CNTRL: variants seen among roughly 807,000 people sequenced by gnomAD.
CNTRL encodes the protein 110 kDa centrosomal protein.
In CNTRL, 233 loss-of-function variants were observed where a neutral mutation model predicts 303.7. The observed-to-expected ratio is 0.77, with a 90% CI of 0.69 to 0.86. The LOEUF (loss-of-function observed/expected upper bound fraction) is 0.86. CNTRL is among the 40% of genes least tolerant of loss of function. The pLI is 0.00. For missense variants in CNTRL, 2,524 were observed against 2,650.6 expected, an observed-to-expected ratio of 0.95 and a Z score of 1.05; for synonymous variants, 900 against 922.2, an observed-to-expected ratio of 0.98 and a Z score of 0.44.
chr9:121,144,391 G>A (rs1254234188), intron 20 of CNTRL, among the ~76,000 whole-genome samples: 2 of 152,170 alleles, frequency 1.3e-5, no homozygotes, highest in Non-Finnish European at 2.9e-5. Context: ...AAGGGTTCCT[G>A]AAGGATTGTT....
intron 22 of CNTRL, among the ~76,000 whole-genome samples, chr9:121,145,695 G>A (rs1459654765): frequency 2.0e-5 from 3 of 152,242 alleles, no homozygotes; most frequent in South Asian, 2.1e-4. Context: ...AGGAGTTCGA[G>A]ACCAGCCTGG....
At chr9:121,146,986 T>C (rs764986652) in intron 23 of CNTRL, among the ~76,000 whole-genome samples, 5 of 152,060 alleles carry the variant, frequency 3.3e-5, no homozygotes, top group Non-Finnish European at 7.4e-5. Flanking sequence ...GAAAAGTAGA[T>C]TGGGGTCATG....
In CNTRL at chr9:121,173,668, G is replaced by C; in HGVS notation, c.6685-7G>C. 1 of 1,614,108 alleles carries C rather than the reference G, an allele frequency of 6.2e-7. No individual in the cohort carries two copies. The highest frequency in any genetic ancestry group is 8.5e-7 in the Non-Finnish European group (1 of 1,179,974). Reference sequence around the variant, plus strand: ...TTCATGATATCTCTATTTTCCCTCTGAGAAAGGATGAACACTGGCGTGGAG... The same window carrying C: ...TTCATGATATCTCTATTTTCCCTCTCAGAAAGGATGAACACTGGCGTGGAG... On this transcript the variant is annotated splice_region_variant and splice_polypyrimidine_tract_variant and intron_variant, in intron 41 of 43. Coordinates refer to ENST00000373855, the MANE Select transcript of CNTRL (RefSeq NM_007018.6).
chr9:121,118,387 T>C lies in CNTRL; in HGVS notation c.1497T>C (p.Ser499=). 6.2e-7 allele frequency: 1 copy of C among 1,610,442 alleles called. No individual in the cohort carries two copies. Among genetic ancestry groups the C allele is most frequent in the Non-Finnish European group, 8.5e-7 (1 of 1,177,996 alleles). ...AGKDLLYKQL[S]GRLQLVNKLR... ...AAGACCTTCTTTACAAGCAGTTGAGTGGTAGACTACAACTTGTAAATAAAT... is the reference window on the plus strand; with the variant it reads ...AAGACCTTCTTTACAAGCAGTTGAGCGGTAGACTACAACTTGTAAATAAAT... The change falls in exon 12 of 44, where the codon AGT becomes AGC. Residue 499 remains serine, a synonymous_variant. Transcript: ENST00000373855.
chr9:121,129,921 T>C (rs988908504), intron 14 of CNTRL, among the ~76,000 whole-genome samples: 1 of 152,254 alleles, frequency 6.6e-6, no homozygotes, highest in Non-Finnish European at 1.5e-5. Context: ...GTTCTGTTTA[T>C]GTGATGGATT....
chr9:121,159,903 G>A lies in CNTRL; in HGVS notation c.4930-240G>A, dbSNP rs939182349. Among the ~76,000 whole-genome samples, 7 of 152,066 alleles carry A rather than the reference G, an allele frequency of 4.6e-5. No homozygotes were observed. In the South Asian group the frequency reaches 8.3e-4, roughly 18 times the overall value. Reference sequence around the variant, plus strand: ...CAGTCAGGCTTTTCTCTCTATAGACGTTGCCTTGCTTACAGTAATGTTGCA... The same window carrying A: ...CAGTCAGGCTTTTCTCTCTATAGACATTGCCTTGCTTACAGTAATGTTGCA... On this transcript the variant is annotated intron_variant, in intron 31 of 43. Coordinates refer to ENST00000373855, the MANE Select transcript of CNTRL (RefSeq NM_007018.6).
chr9:121,087,021 G>A (rs974007777), intron 2 of CNTRL, among the ~76,000 whole-genome samples: 4 of 152,208 alleles, frequency 2.6e-5, no homozygotes, highest in Non-Finnish European at 4.4e-5. Flanking sequence ...AATAAGGCAA[G>A]AGAGCTTGTA....
chr9:121,095,001 A>C lies in CNTRL; in HGVS notation c.462A>C (p.Leu154Phe), dbSNP rs1180153424. ...DKLLKLRELN[L>F]SYNKISKIEG... is the part of the protein sequence containing the mutation. ...TGTTAAAATTACGTGAACTCAACTTATCATATAACAAAATCAGGTGAGTTA... is the reference window on the plus strand; with the variant it reads ...TGTTAAAATTACGTGAACTCAACTTCTCATATAACAAAATCAGGTGAGTTA... The change falls in exon 5 of 44, where the codon TTA becomes TTC. Residue 154 changes from leucine (L) to phenylalanine (F), a missense_variant. Transcript: ENST00000373855. 2 of 1,603,748 alleles carry C rather than the reference A, an allele frequency of 1.2e-6. No individual in the cohort carries two copies. The highest frequency in any genetic ancestry group is 1.3e-5 in the African/African-American group (1 of 74,324).
At chr9:121,172,278 C>T (rs1306187135) in intron 40 of CNTRL, among the ~76,000 whole-genome samples, 1 of 152,196 alleles carries the variant, frequency 6.6e-6, no homozygotes, top group Non-Finnish European at 1.5e-5. Context: ...TTTCATATTT[C>T]ACTAAGCTCT....
At chr9:121,170,508 T>A (rs2053261448) in intron 39 of CNTRL, among the ~76,000 whole-genome samples, 1 of 151,754 alleles carries the variant, frequency 6.6e-6, no homozygotes, top group Non-Finnish European at 1.5e-5. Flanking sequence ...CAGTCTGGAG[T>A]GCAGTGGCAT....
rs2050481940 is a variant in CNTRL at position 121,125,718 on chromosome 9, C to G, written c.1807C>G (p.Gln603Glu). The G allele has an allele frequency of 2.5e-6, 4 of 1,613,616 alleles. No homozygotes were observed. In the East Asian group the frequency reaches 8.9e-5, roughly 36 times the overall value. ...KDLEEQLTEGQIAANEALKKD... is the reference protein window; with the variant it reads ...KDLEEQLTEGEIAANEALKKD... Reference sequence around the variant, plus strand: ...TACCCTTTTTGCATCTTGCTTAGGCCAGATAGCAGCAAATGAAGCCCTGAA... The same window carrying G: ...TACCCTTTTTGCATCTTGCTTAGGCGAGATAGCAGCAAATGAAGCCCTGAA... Residue 603 changes from glutamine (Q) to glutamate (E), a missense_variant and splice_region_variant, in exon 14 of 44, where the codon CAG becomes GAG. Gln to Glu is a conservative substitution (Grantham distance 29, BLOSUM62 2). Transcript: ENST00000373855.
At chr9:121,086,634 T>A (rs1199056340) in intron 2 of CNTRL, among the ~76,000 whole-genome samples, 2 of 109,770 alleles carry the variant, frequency 1.8e-5, no homozygotes, top group African/African-American at 9.2e-5. Flanking sequence ...CTGGATTTAC[T>A]TTTTTTTTTT....
chr9:121,092,954 G>A (rs2048729351), intron 4 of CNTRL, among the ~76,000 whole-genome samples: 3 of 148,828 alleles, frequency 2.0e-5, no homozygotes, highest in African/African-American at 5.0e-5. Context: ...TTACAGGCAC[G>A]TGCTACGACG....
intron 23 of CNTRL, 149 bp from the exon 24 acceptor site, chr9:121,148,521 ACC>A: frequency 1.5e-6 from 1 of 653,578 alleles, no homozygotes; most frequent in East Asian, 2.8e-5. Context: ...CCATGTAATC[ACC>A]TCACTTCTGT....
chr9:121,098,564 TCA>T lies in CNTRL; in HGVS notation c.801_802del (p.Phe267LeufsTer20). On this transcript the variant is annotated frameshift_variant, in exon 7 of 44. Coordinates refer to ENST00000373855, the MANE Select transcript of CNTRL (RefSeq NM_007018.6). LOFTEE classifies it high-confidence loss of function. Reference sequence around the variant, plus strand: ...GATAGACAGGAGGCTTTTGAGAGATTCAGTTTAGGTAAGATTAAATTTAAAAA... The same window carrying T: ...GATAGACAGGAGGCTTTTGAGAGATTGTTTAGGTAAGATTAAATTTAAAAA... 1 of 1,589,044 alleles carries T rather than the reference TCA, an allele frequency of 6.3e-7. No homozygotes were observed. The highest frequency in any genetic ancestry group is 8.5e-7 in the Non-Finnish European group (1 of 1,170,270).
At chr9:121,078,209 C>G (rs537951966) in intron 1 of CNTRL, among the ~76,000 whole-genome samples, 146 of 152,184 alleles carry the variant, frequency 9.6e-4, no homozygotes, top group African/African-American at 3.4e-3. Flanking sequence ...AAGTTTGAGA[C>G]CAGCCTGGCC....
chr9:121,174,113 A>T (rs2131945470), intron 42 of CNTRL, among the ~76,000 whole-genome samples: 1 of 152,350 alleles, frequency 6.6e-6, no homozygotes, highest in South Asian at 2.1e-4. Context: ...AATGTCAGGT[A>T]AGGAATTGTT....
chr9:121,080,761 C>T (rs1336044174), intron 2 of CNTRL, among the ~76,000 whole-genome samples: 1 of 152,066 alleles, frequency 6.6e-6, no homozygotes, highest in African/African-American at 2.4e-5. Context: ...GTAATCTCTC[C>T]TTTATATACT....
At chr9:121,159,521 A>G (rs1396014897) in intron 31 of CNTRL, among the ~76,000 whole-genome samples, 1 of 151,988 alleles carries the variant, frequency 6.6e-6, no homozygotes, top group Non-Finnish European at 1.5e-5. Flanking sequence ...AATCCTAGCT[A>G]CTCGGGAGAC....
Sources: allele counts gnomAD v4.1 joint callset (sites outside exome capture counted in the v4.1 genomes callset), GRCh38; gene constraint gnomAD v4.1.1; transcripts MANE v1.5; gene names NCBI Gene and HGNC (gene_info 2026-07-23, HGNC 2026-07-21).